The following FBXW7 variants were observed in gnomAD, a reference collection of about 807,000 sequenced individuals.
FBXW7 encodes the protein F-box/WD repeat-containing protein 7.
A neutral mutation model predicts 86.3 loss-of-function variants in FBXW7; 11 were observed. That is an observed-to-expected ratio of 0.13 (90% confidence interval 0.08 to 0.21). The LOEUF is 0.21. FBXW7 is among the 10% of genes least tolerant of loss of function. FBXW7 has a pLI of 1.00. For synonymous variants in FBXW7, 313 were observed against 297.9 expected (o/e 1.05, Z -0.52); for missense variants, 488 against 847.4 (o/e 0.58, Z 5.27).
At chr4:152,495,520 G>T (rs1746253526) in intron 2 of FBXW7, among the ~76,000 whole-genome samples, 1 of 152,084 alleles carries the variant, frequency 6.6e-6, no homozygotes, top group South Asian at 2.1e-4. Context: ...CCAGTAACAT[G>T]GAAAAAACAG....
chr4:152,342,494 A>G (rs1245915988), intron 6 of FBXW7, among the ~76,000 whole-genome samples: 1 of 152,170 alleles, frequency 6.6e-6, no homozygotes, highest in Non-Finnish European at 1.5e-5. Flanking sequence ...CAACTCATCC[A>G]GTGTTGATGT....
intron 6 of FBXW7, among the ~76,000 whole-genome samples, chr4:152,340,092 A>C (rs1730572930): frequency 6.6e-6 from 1 of 152,186 alleles, no homozygotes; most frequent in African/African-American, 2.4e-5. Context: ...CATATATTTA[A>C]GAAAAAGTAC....
intron 13 of FBXW7, chr4:152,323,474 T>C: frequency 3.0e-6 from 1 of 336,560 alleles, no homozygotes; most frequent in Non-Finnish European, 5.6e-6. Context: ...TCATACCTTC[T>C]GCTGATGGAC....
In FBXW7 at chr4:152,322,028, A is replaced by C. The variant is rs1728595721; in HGVS notation, c.*853T>G. 2.6e-5 allele frequency: 6 copies of C among 232,984 alleles called. No homozygotes were observed. Among genetic ancestry groups the C allele is most frequent in the Non-Finnish European group, 3.4e-5 (4 of 117,740 alleles). 14.4% of individuals were successfully genotyped at this position (232,984 alleles called of 1,614,324 possible). A position where few individuals can be genotyped will look rare whatever the true frequency, so the allele number is the denominator to read the frequency against. ...AAATTTGGAATTCAGTCTGGGACTA[A>C]AACGTCACAGCAGAAAAAAAATAAA... On this transcript the variant is annotated 3_prime_UTR_variant, in exon 14 of 14. Coordinates refer to ENST00000281708, the MANE Select transcript of FBXW7 (RefSeq NM_001349798.2).
At chr4:152,442,084 C>T (rs1740943112) in intron 2 of FBXW7, among the ~76,000 whole-genome samples, 1 of 152,188 alleles carries the variant, frequency 6.6e-6, no homozygotes, top group South Asian at 2.1e-4. Flanking sequence ...TACTTCTAGG[C>T]ACTAAAAGAT....
chr4:152,389,602 C>A (rs1382414411), intron 4 of FBXW7, among the ~76,000 whole-genome samples: 1 of 151,922 alleles, frequency 6.6e-6, no homozygotes, highest in African/African-American at 2.4e-5. Context: ...TTAAGAGACT[C>A]AGAAGGGTGA....
In FBXW7 at chr4:152,450,995, A is replaced by G. The variant is rs555827943; in HGVS notation, c.-119-38466T>C. ...ATAAGCAATATGACGTATTTTCATT[A>G]TTTATCATTTTCCTTCCACATCAGC... On this transcript the variant is annotated intron_variant, in intron 2 of 13. Coordinates refer to ENST00000281708, the MANE Select transcript of FBXW7 (RefSeq NM_001349798.2). Among the ~76,000 whole-genome samples, 3 of 152,266 alleles carry G rather than the reference A, an allele frequency of 2.0e-5. No individual in the cohort carries two copies. In the South Asian group the frequency reaches 6.2e-4, roughly 32 times the overall value.
intron 7 of FBXW7, among the ~76,000 whole-genome samples, chr4:152,336,172 T>C (rs560562052): frequency 1.3e-5 from 2 of 152,236 alleles, no homozygotes; most frequent in Admixed American, 6.5e-5. Flanking sequence ...GAAACACAGA[T>C]GATATGCTAA....
intron 4 of FBXW7, among the ~76,000 whole-genome samples, chr4:152,383,824 A>C (rs1735300426): frequency 1.3e-5 from 2 of 152,168 alleles, no homozygotes; most frequent in Non-Finnish European, 1.5e-5. Flanking sequence ...CTTATACCAC[A>C]ATTTAAAATG....
In FBXW7 at chr4:152,354,519, G is replaced by A. The variant is rs571696647; in HGVS notation, c.502-4395C>T. ...GTAACAAGTTTTCCATAAGACACGTGTAATACTAGTGCTATAATAGTATAT... is the reference window on the plus strand; with the variant it reads ...GTAACAAGTTTTCCATAAGACACGTATAATACTAGTGCTATAATAGTATAT... On this transcript the variant is annotated intron_variant, in intron 4 of 13. Coordinates refer to ENST00000281708, the MANE Select transcript of FBXW7 (RefSeq NM_001349798.2). Among the ~76,000 whole-genome samples, 3 of 152,242 alleles carry A rather than the reference G, an allele frequency of 2.0e-5. No individual in the cohort carries two copies. In the East Asian group the frequency reaches 5.8e-4, roughly 29 times the overall value.
At chr4:152,438,908 C>G (rs1269334375) in intron 2 of FBXW7, among the ~76,000 whole-genome samples, 1 of 152,194 alleles carries the variant, frequency 6.6e-6, no homozygotes, top group African/African-American at 2.4e-5. Flanking sequence ...CAACAGTCTA[C>G]TTTCCTATTA....
intron 4 of FBXW7, among the ~76,000 whole-genome samples, chr4:152,384,718 A>T (rs978511821): frequency 6.6e-6 from 1 of 152,058 alleles, no homozygotes; most frequent in African/African-American, 2.4e-5. Context: ...AATGTTTTTA[A>T]ACAAAAAAGT....
intron 4 of FBXW7, among the ~76,000 whole-genome samples, chr4:152,402,634 T>C (rs1737049174): frequency 6.6e-6 from 1 of 152,214 alleles, no homozygotes; most frequent in Admixed American, 6.5e-5. Flanking sequence ...ATTAATTACT[T>C]AACCTCTCTT....
chr4:152,479,497 T>TA (rs1194422275), intron 2 of FBXW7, among the ~76,000 whole-genome samples: 2 of 152,102 alleles, frequency 1.3e-5, no homozygotes, highest in Non-Finnish European at 2.9e-5. Flanking sequence ...ATCTTTTTCT[T>TA]AAGACAATGA....
At chr4:152,522,951 C>G (rs1749159213) in intron 2 of FBXW7, among the ~76,000 whole-genome samples, 1 of 152,282 alleles carries the variant, frequency 6.6e-6, no homozygotes, top group South Asian at 2.1e-4. Flanking sequence ...CCACTAATGA[C>G]CCAGCATTTA....
At chr4:152,441,918 AG>A (rs1434883763) in intron 2 of FBXW7, among the ~76,000 whole-genome samples, 1 of 152,182 alleles carries the variant, frequency 6.6e-6, no homozygotes, top group East Asian at 1.9e-4. Context: ...TATCTTTAAA[AG>A]GTTAACACGA....
At chr4:152,376,539 C>A (rs1435625808) in intron 4 of FBXW7, among the ~76,000 whole-genome samples, 1 of 151,832 alleles carries the variant, frequency 6.6e-6, no homozygotes, top group African/African-American at 2.4e-5. Flanking sequence ...TTTATACATA[C>A]AAAAACAACA....
intron 2 of FBXW7, among the ~76,000 whole-genome samples, chr4:152,415,145 T>C (rs934580905): frequency 2.0e-5 from 3 of 152,134 alleles, no homozygotes; most frequent in Non-Finnish European, 4.4e-5. Context: ...TAAGTGGAGC[T>C]CTGAGAGCCT....
chr4:152,429,238 G>A (rs538299747), intron 2 of FBXW7, among the ~76,000 whole-genome samples: 69 of 152,252 alleles, frequency 4.5e-4, no homozygotes, highest in African/African-American at 1.5e-3. Context: ...AACTGTGTAC[G>A]TGAGTTTTTG....
Sources: allele counts gnomAD v4.1 joint callset (sites outside exome capture counted in the v4.1 genomes callset), GRCh38; gene constraint gnomAD v4.1.1; transcripts MANE v1.5; gene names NCBI Gene and HGNC (gene_info 2026-07-23, HGNC 2026-07-21).